Variants in FAM13B observed in about 807,000 individuals in gnomAD.
FAM13B encodes protein FAM13B.
Under a neutral mutation model 117.3 loss-of-function variants are expected in FAM13B, and 60 were observed. The ratio of observed to expected loss-of-function variants is 0.51; its 90% CI spans 0.42 to 0.63. The LOEUF is 0.63. FAM13B is among the 30% of genes least tolerant of loss of function. The probability of loss-of-function intolerance (pLI) is 0.00; values close to 1 mark genes in which losing one functional copy is unlikely to be tolerated. For missense variants in FAM13B, 972 were observed against 1,091.9 expected (o/e 0.89, Z 1.55); for synonymous variants, 332 against 356.1 (o/e 0.93, Z 0.76).
chr5:137,952,659 T>C lies in FAM13B; in HGVS notation c.1899A>G (p.Thr633=). Residue 633 remains threonine, a synonymous_variant, in exon 17 of 24, where the codon ACA becomes ACG. Transcript: ENST00000689681. Reference sequence around the variant, plus strand: ...TTTGCTTCCGCAGTTTTGTAAGCTCTGTCATCCATTTTAATACCTTTGGAT... The same window carrying C: ...TTTGCTTCCGCAGTTTTGTAAGCTCCGTCATCCATTTTAATACCTTTGGAT... ...AANPKVLKWM[T]ELTKLRKQIK... 1.9e-6 allele frequency: 3 copies of C among 1,605,626 alleles called. No homozygotes were observed. The highest frequency in any genetic ancestry group is 2.2e-5 in the South Asian group (2 of 89,514).
At chr5:137,941,228 C>CA (rs1761706090) in intron 23 of FAM13B, among the ~76,000 whole-genome samples, 1 of 151,754 alleles carries the variant, frequency 6.6e-6, no homozygotes, top group Non-Finnish European at 1.5e-5. Flanking sequence ...TTTTTTTTAA[C>CA]CATATGTGCC....
chr5:138,027,439 G>A (rs1355068021), intron 1 of FAM13B, among the ~76,000 whole-genome samples: 2 of 152,158 alleles, frequency 1.3e-5, no homozygotes, highest in African/African-American at 4.8e-5. Flanking sequence ...AAAACTAAAA[G>A]AAAATAAACT....
chr5:137,947,219 C>A (rs995322905), intron 18 of FAM13B, among the ~76,000 whole-genome samples: 2 of 152,176 alleles, frequency 1.3e-5, no homozygotes, highest in African/African-American at 4.8e-5. Flanking sequence ...CTCATTAATA[C>A]CACCCTGGTC....
chr5:138,007,215 T>G (rs1430090585), intron 6 of FAM13B, 68 bp from the exon 7 acceptor site: 2 of 1,227,362 alleles, frequency 1.6e-6, no homozygotes, highest in African/African-American at 3.1e-5. Flanking sequence ...AGACATACTA[T>G]TCTATGAAAA....
intron 10 of FAM13B, among the ~76,000 whole-genome samples, chr5:137,983,955 C>T (rs1322562983): frequency 6.6e-6 from 1 of 152,076 alleles, no homozygotes; most frequent in East Asian, 1.9e-4. Context: ...TGAGGAAACC[C>T]ACCTTATCTA....
intron 1 of FAM13B, among the ~76,000 whole-genome samples, chr5:138,051,479 C>T (rs1254765207): frequency 6.6e-6 from 1 of 152,146 alleles, no homozygotes; most frequent in East Asian, 1.9e-4. Context: ...TTTAGCCAAT[C>T]TAATGAGCAA....
chr5:138,013,209 A>G (rs1049682140), intron 4 of FAM13B, among the ~76,000 whole-genome samples: 19 of 144,648 alleles, frequency 1.3e-4, no homozygotes, highest in Admixed American at 9.1e-4. Flanking sequence ...TCTCAAAAAG[A>G]AAAAAAAAAA....
chr5:137,952,336 T>C (rs1387521358), intron 17 of FAM13B, among the ~76,000 whole-genome samples: 1 of 152,182 alleles, frequency 6.6e-6, no homozygotes, highest in Non-Finnish European at 1.5e-5. Flanking sequence ...AGATAAACTT[T>C]ATAACATCAG....
intron 9 of FAM13B, 84 bp downstream of exon 9, chr5:137,987,377 A>T: frequency 8.2e-7 from 1 of 1,224,568 alleles, no homozygotes; most frequent in Non-Finnish European, 1.1e-6. Flanking sequence ...AAGAAAGATG[A>T]GATCCTGTTA....
chr5:137,968,219 C>CAA (rs61341338), intron 10 of FAM13B, among the ~76,000 whole-genome samples: 19,690 of 120,966 alleles, frequency 0.16, 1,821 homozygotes, highest in Non-Finnish European at 0.17. Context: ...AAGACTGTCT[C>CAA]AAAAAAAAAA....
intron 7 of FAM13B, among the ~76,000 whole-genome samples, chr5:137,994,159 T>C (rs766722339): frequency 2.0e-5 from 3 of 152,254 alleles, no homozygotes; most frequent in Non-Finnish European, 4.4e-5. Context: ...CGATTATTAC[T>C]GCAAGAGTAA....
intron 1 of FAM13B, among the ~76,000 whole-genome samples, chr5:138,051,233 C>T (rs1217046378): frequency 6.6e-6 from 1 of 152,102 alleles, no homozygotes; most frequent in African/African-American, 2.4e-5. Context: ...GAAATAGATC[C>T]ATATTAGTAA....
At chr5:137,971,366 G>A (rs1772084227) in intron 10 of FAM13B, among the ~76,000 whole-genome samples, 1 of 151,826 alleles carries the variant, frequency 6.6e-6, no homozygotes, top group Non-Finnish European at 1.5e-5. Flanking sequence ...TGACTACTGG[G>A]TACATAACAA....
chr5:138,002,664 A>AT (rs70979561), intron 7 of FAM13B, among the ~76,000 whole-genome samples: 109,804 of 120,320 alleles, frequency 0.91, 50,570 homozygotes, highest in East Asian at 0.98. Flanking sequence ...TGTTCCCTCT[A>AT]TTTTTTTTTT....
At chr5:137,994,955 G>A (rs781309388) in intron 7 of FAM13B, among the ~76,000 whole-genome samples, 2 of 152,072 alleles carry the variant, frequency 1.3e-5, no homozygotes, top group East Asian at 1.9e-4. Flanking sequence ...TGCTACAAAC[G>A]ATATTTCAAT....
At chr5:138,051,228 A>G (rs1791791055) in intron 1 of FAM13B, among the ~76,000 whole-genome samples, 1 of 152,248 alleles carries the variant, frequency 6.6e-6, no homozygotes, top group Admixed American at 6.5e-5. Flanking sequence ...CCTTAGAAAT[A>G]GATCCATATT....
upstream of FAM13B, chr5:138,036,489 A>T (rs952695276): frequency 1.2e-4 from 55 of 456,694 alleles, no homozygotes; most frequent in African/African-American, 1.1e-3. Flanking sequence ...CTCAGACTGC[A>T]GGAGGTACAA....
At chr5:137,946,197 A>C in intron 19 of FAM13B, 31 bp downstream of exon 19, 1 of 1,543,532 alleles carries the variant, frequency 6.5e-7, no homozygotes, top group Non-Finnish European at 8.8e-7. Context: ...TAAGACATAA[A>C]ATCAAATCTT....
intron 7 of FAM13B, among the ~76,000 whole-genome samples, chr5:138,001,955 A>G (rs1781374696): frequency 6.6e-6 from 1 of 152,300 alleles, no homozygotes; most frequent in South Asian, 2.1e-4. Flanking sequence ...TACAGCAGTT[A>G]GAGGTGGGAT....
Sources: gnomAD v4.1 joint callset for allele counts (sites outside exome capture counted in the v4.1 genomes callset) on GRCh38, gnomAD v4.1.1 for gene constraint, MANE v1.5 for transcripts, NCBI Gene and HGNC (gene_info 2026-07-23, HGNC 2026-07-21) for gene names.